SGCZ: variants seen among roughly 807,000 people sequenced by gnomAD.
SGCZ encodes sarcoglycan zeta, also known as zeta-sarcoglycan.
A neutral mutation model predicts 41.3 loss-of-function variants in SGCZ; 40 were observed. The observed-to-expected ratio is 0.97, with a 90% CI of 0.75 to 1.26. SGCZ has a LOEUF of 1.26. Ranked by LOEUF, SGCZ falls within the 50% of genes most tolerant of loss-of-function variation. The pLI is 0.00. For synonymous variants in SGCZ, 206 were observed against 137.5 expected, an observed-to-expected ratio of 1.50 and a Z score of -3.49; for missense variants, 552 against 369.8, an observed-to-expected ratio of 1.49 and a Z score of -4.04.
intron 2 of SGCZ, among the ~76,000 whole-genome samples, chr8:14,552,411 A>T (rs2117185049): frequency 6.6e-6 from 1 of 152,156 alleles, no homozygotes; most frequent in South Asian, 2.1e-4. Flanking sequence ...TCATCTGTGC[A>T]TTTTACTTCA....
intron 7 of SGCZ, among the ~76,000 whole-genome samples, chr8:14,097,033 C>G (rs538616738): frequency 8.0e-4 from 121 of 152,020 alleles, no homozygotes; most frequent in African/African-American, 2.8e-3. Context: ...TTTTGTTGAT[C>G]TTTTCAAAAA....
chr8:14,452,172 C>T (rs1453349352), intron 2 of SGCZ, among the ~76,000 whole-genome samples: 1 of 151,982 alleles, frequency 6.6e-6, no homozygotes, highest in African/African-American at 2.4e-5. Flanking sequence ...TGAAATGAAA[C>T]GGAGACAACT....
intron 1 of SGCZ, among the ~76,000 whole-genome samples, chr8:14,910,919 G>T (rs1449680089): frequency 6.6e-6 from 1 of 151,990 alleles, no homozygotes; most frequent in African/African-American, 2.4e-5. Flanking sequence ...CCTTAAAGTA[G>T]ATATACTAAC....
intron 1 of SGCZ, among the ~76,000 whole-genome samples, chr8:14,754,726 G>A (rs989043474): frequency 6.6e-6 from 1 of 151,910 alleles, no homozygotes; most frequent in Non-Finnish European, 1.5e-5. Flanking sequence ...TTTTTGTTTT[G>A]ACACATAGTC....
chr8:14,595,826 C>T (rs1466081148), intron 1 of SGCZ, among the ~76,000 whole-genome samples: 1 of 152,028 alleles, frequency 6.6e-6, no homozygotes. Context: ...TGACAATTGT[C>T]GCATTTTTAA....
intron 1 of SGCZ, among the ~76,000 whole-genome samples, chr8:14,713,695 G>GAA (rs34836703): frequency 0.17 from 22,201 of 127,652 alleles, 2,152 homozygotes; most frequent in South Asian, 0.28. Flanking sequence ...TGCCGCAAAA[G>GAA]AAAAAAAAAA....
chr8:14,498,649 A>G (rs896019824), intron 2 of SGCZ, among the ~76,000 whole-genome samples: 2 of 152,024 alleles, frequency 1.3e-5, no homozygotes, highest in Admixed American at 6.6e-5. Flanking sequence ...ATGAGCTATT[A>G]TTTTAGTGGT....
intron 1 of SGCZ, among the ~76,000 whole-genome samples, chr8:15,065,887 G>T (rs146127729): frequency 6.6e-6 from 1 of 152,122 alleles, no homozygotes; most frequent in African/African-American, 2.4e-5. Context: ...TTGAATGATT[G>T]AAATTTTGTT....
At chr8:14,700,764 A>C (rs1809108743) in intron 1 of SGCZ, among the ~76,000 whole-genome samples, 1 of 152,016 alleles carries the variant, frequency 6.6e-6, no homozygotes, top group Non-Finnish European at 1.5e-5. Flanking sequence ...TAAAGCACAC[A>C]AAAATTAGCT....
At chr8:14,185,004 T>C (rs531110629) in intron 4 of SGCZ, among the ~76,000 whole-genome samples, 5 of 152,206 alleles carry the variant, frequency 3.3e-5, no homozygotes, top group Non-Finnish European at 7.3e-5. Context: ...TGTTTTTTAA[T>C]TAGACTTTAT....
intron 1 of SGCZ, among the ~76,000 whole-genome samples, chr8:15,052,736 C>CT (rs1245385831): frequency 9.9e-5 from 15 of 152,244 alleles, no homozygotes; most frequent in Admixed American, 2.6e-4. Context: ...AAATTTCATC[C>CT]TTAAACATTC....
intron 3 of SGCZ, among the ~76,000 whole-genome samples, chr8:14,279,950 G>C (rs1460785682): frequency 6.6e-6 from 1 of 151,682 alleles, no homozygotes; most frequent in African/African-American, 2.4e-5. Flanking sequence ...GATGTGACAA[G>C]TCCAAACAGA....
intron 1 of SGCZ, among the ~76,000 whole-genome samples, chr8:15,060,992 T>A (rs1307708561): frequency 6.6e-6 from 1 of 152,164 alleles, no homozygotes; most frequent in Non-Finnish European, 1.5e-5. Context: ...GTTTCCTCCC[T>A]GCCTTCTGGA....
chr8:14,282,761 C>T (rs183671019), intron 3 of SGCZ, among the ~76,000 whole-genome samples: 1 of 151,938 alleles, frequency 6.6e-6, no homozygotes, highest in East Asian at 1.9e-4. Context: ...CCCCTTTCCC[C>T]ACCTATTAGC....
At chr8:14,762,280 C>G (rs868372352) in intron 1 of SGCZ, among the ~76,000 whole-genome samples, 1 of 152,302 alleles carries the variant, frequency 6.6e-6, no homozygotes, top group East Asian at 1.9e-4. Flanking sequence ...TCTCCATGGA[C>G]CTCAAAACAG....
intron 1 of SGCZ, among the ~76,000 whole-genome samples, chr8:15,104,678 CTTGT>C (rs1458522356): frequency 9.1e-6 from 1 of 109,956 alleles, no homozygotes; most frequent in African/African-American, 3.5e-5. Context: ...ACGTGTAAAA[CTTGT>C]TTTTTTCAGC....
intron 1 of SGCZ, among the ~76,000 whole-genome samples, chr8:14,813,500 T>C (rs1801798224): frequency 1.3e-5 from 2 of 152,176 alleles, no homozygotes; most frequent in Admixed American, 1.3e-4. Context: ...TTTTATTTTG[T>C]TCAATAAAAT....
rs989431645 is a variant in SGCZ, at chr8:15,137,904, C to T, written c.39+99681G>A. On this transcript the variant is annotated intron_variant, in intron 1 of 7. Coordinates refer to ENST00000382080, the MANE Select transcript of SGCZ (RefSeq NM_139167.4). Reference sequence around the variant, plus strand: ...AATGGAGCTGTGAGAAGAGGGCCACCGTCCTCCAGACCCCAGAATGGTAGA... The same window carrying T: ...AATGGAGCTGTGAGAAGAGGGCCACTGTCCTCCAGACCCCAGAATGGTAGA... Among the ~76,000 whole-genome samples the T allele has an allele frequency of 3.9e-5, 6 of 152,146 alleles. No individual in the cohort carries two copies. The East Asian group carries it at 7.7e-4, about 20-fold the overall frequency.
intron 2 of SGCZ, among the ~76,000 whole-genome samples, chr8:14,412,994 T>C (rs551668334): frequency 9.2e-5 from 14 of 152,012 alleles, no homozygotes; most frequent in Non-Finnish European, 1.9e-4. Flanking sequence ...TATTAAACTT[T>C]TGTTATAAAG....
Sources: gnomAD v4.1 joint callset for allele counts (sites outside exome capture counted in the v4.1 genomes callset) on GRCh38, gnomAD v4.1.1 for gene constraint, MANE v1.5 for transcripts, NCBI Gene and HGNC (gene_info 2026-07-23, HGNC 2026-07-21) for gene names.